ZNF892: variants seen among roughly 807,000 people sequenced by gnomAD.
ZNF892 encodes zinc finger protein 570-like.
the ZNF892 span, among the ~76,000 whole-genome samples, chr2:95,209,793 C>G: frequency 6.6e-6 from 1 of 152,038 alleles, no homozygotes; most frequent in African/African-American, 2.4e-5. Flanking sequence ...GCCTGTTAGT[C>G]TGTTAGTGTT....
chr2:95,246,718 G>C, the ZNF892 span, among the ~76,000 whole-genome samples: 1 of 152,090 alleles, frequency 6.6e-6, no homozygotes, highest in Non-Finnish European at 1.5e-5. Flanking sequence ...ACCAACAACA[G>C]ACTAGCAGAG....
chr2:95,211,393 C>T, the ZNF892 span, among the ~76,000 whole-genome samples: 1 of 152,310 alleles, frequency 6.6e-6, no homozygotes, highest in African/African-American at 2.4e-5. Flanking sequence ...GCTTTCCTTC[C>T]TACTTGCAGG....
the ZNF892 span, chr2:95,207,746 C>T: frequency 2.5e-6 from 1 of 398,268 alleles, no homozygotes; most frequent in Non-Finnish European, 4.4e-6. Flanking sequence ...TTGGGGGACC[C>T]GAGCGGCGGA....
At chr2:95,207,451 G>A in the ZNF892 span, 2 of 192,006 alleles carry the variant, frequency 1.0e-5, no homozygotes, top group African/African-American at 4.6e-5. Context: ...GGTGGCCGCA[G>A]GGTCCTCTGG....
At chr2:95,233,289 T>A in the ZNF892 span, among the ~76,000 whole-genome samples, 4 of 151,486 alleles carry the variant, frequency 2.6e-5, no homozygotes, top group African/African-American at 9.7e-5. Flanking sequence ...GGTTTAGAAC[T>A]CCGGGGCTCA....
the ZNF892 span, among the ~76,000 whole-genome samples, chr2:95,249,215 A>G: frequency 2.1e-4 from 13 of 61,906 alleles, no homozygotes; most frequent in African/African-American, 5.2e-4. Flanking sequence ...GTATGTATAT[A>G]TATATATATA....
the ZNF892 span, chr2:95,215,188 G>T: frequency 8.8e-6 from 4 of 454,518 alleles, no homozygotes; most frequent in East Asian, 1.3e-4. Context: ...ACTCATACTG[G>T]GGAGCGGCCA....
the ZNF892 span, among the ~76,000 whole-genome samples, chr2:95,255,404 A>G: frequency 1.3e-5 from 2 of 152,206 alleles, no homozygotes; most frequent in Non-Finnish European, 2.9e-5. Flanking sequence ...TGAGTTTATT[A>G]ATCCTGACTT....
chr2:95,206,866 T>C, the ZNF892 span, among the ~76,000 whole-genome samples: 2 of 152,136 alleles, frequency 1.3e-5, no homozygotes, highest in Admixed American at 1.3e-4. Flanking sequence ...GAGAGTCTTA[T>C]TTACATGAGA....
At chr2:95,252,156 A>G in the ZNF892 span, among the ~76,000 whole-genome samples, 1 of 152,096 alleles carries the variant, frequency 6.6e-6, no homozygotes, top group Admixed American at 6.5e-5. Context: ...ACATATGTAT[A>G]CATGTGCCAT....
chr2:95,212,415 C>T, the ZNF892 span: 1 of 396,412 alleles, frequency 2.5e-6, no homozygotes, highest in Non-Finnish European at 4.4e-6. Flanking sequence ...CACATCCTAG[C>T]TCTGTGGATG....
At chr2:95,254,950 C>G in the ZNF892 span, among the ~76,000 whole-genome samples, 2 of 152,114 alleles carry the variant, frequency 1.3e-5, no homozygotes, top group Non-Finnish European at 2.9e-5. Context: ...TTTTGTATTG[C>G]ATCTATTTGA....
chr2:95,239,008 G>A, the ZNF892 span, among the ~76,000 whole-genome samples: 9 of 151,982 alleles, frequency 5.9e-5, no homozygotes, highest in East Asian at 1.9e-4. Context: ...GCGTGGTGGC[G>A]CGTGCCTGTA....
chr2:95,226,618 A>G, the ZNF892 span, among the ~76,000 whole-genome samples: 5 of 152,130 alleles, frequency 3.3e-5, no homozygotes, highest in Admixed American at 3.3e-4. Flanking sequence ...GAATTAAATA[A>G]ATTTATTTCT....
At chr2:95,239,196 T>G in the ZNF892 span, among the ~76,000 whole-genome samples, 2 of 151,310 alleles carry the variant, frequency 1.3e-5, no homozygotes, top group African/African-American at 4.9e-5. Flanking sequence ...ATTGGAATTG[T>G]TGCCAATCTC....
the ZNF892 span, among the ~76,000 whole-genome samples, chr2:95,209,253 A>C: frequency 6.6e-6 from 1 of 152,082 alleles, no homozygotes; most frequent in Non-Finnish European, 1.5e-5. Context: ...AGCTTTGGCC[A>C]AAAAATAAAA....
the ZNF892 span, among the ~76,000 whole-genome samples, chr2:95,246,297 T>G: frequency 6.6e-6 from 1 of 152,202 alleles, no homozygotes. Context: ...GAAAAGGCCT[T>G]CGATAAAATT....
At chr2:95,233,672 CAAA>C in the ZNF892 span, among the ~76,000 whole-genome samples, 1 of 35,174 alleles carries the variant, frequency 2.8e-5, no homozygotes, top group African/African-American at 1.3e-4. Flanking sequence ...GACTCCATCT[CAAA>C]AAAAAAAAAA....
At chr2:95,237,141 C>CTT in the ZNF892 span, among the ~76,000 whole-genome samples, 26 of 133,558 alleles carry the variant, frequency 1.9e-4, no homozygotes, top group Non-Finnish European at 2.1e-4. Context: ...GATCAGTGAG[C>CTT]TTTTTTTTTT....
Sources: gnomAD v4.1 joint callset for allele counts (sites outside exome capture counted in the v4.1 genomes callset) on GRCh38, gnomAD v4.1.1 for gene constraint, MANE v1.5 for transcripts, NCBI Gene and HGNC (gene_info 2026-07-23, HGNC 2026-07-21) for gene names.